GPRIN3: variants seen among roughly 807,000 people sequenced by gnomAD.
GPRIN3 encodes the protein G protein-regulated inducer of neurite outgrowth 3.
A neutral mutation model predicts 13.7 loss-of-function variants in GPRIN3; 12 were observed. The ratio of observed to expected loss-of-function variants is 0.87; its 90% CI spans 0.56 to 1.42. The LOEUF (loss-of-function observed/expected upper bound fraction) is 1.42. Among genes scored for constraint, GPRIN3 ranks in the 40% most tolerant of loss-of-function variants. The pLI, the probability that GPRIN3 is intolerant of heterozygous loss-of-function variation, is 0.00. For synonymous variants in GPRIN3, 377 were observed against 372.7 expected, an observed-to-expected ratio of 1.01 and a Z score of -0.13; for missense variants, 1,009 against 958.7, an observed-to-expected ratio of 1.05 and a Z score of -0.69.
chr4:89,288,474 T>G (rs905949099), intron 1 of GPRIN3, among the ~76,000 whole-genome samples: 3 of 152,104 alleles, frequency 2.0e-5, no homozygotes, highest in Non-Finnish European at 4.4e-5. Context: ...ACTTCTGGAG[T>G]GAAATTCAGG....
rs150764979 is a variant in GPRIN3, at chr4:89,265,246, A to G, written c.-123-15013T>C. 3.5e-3 allele frequency among the ~76,000 whole-genome samples: 540 copies of G among 152,290 alleles called. 5 individuals are homozygous for G. Among genetic ancestry groups the G allele is most frequent in the South Asian group, 9.5e-3 (46 of 4,822 alleles). ...TTCACTTAAGATATGGTTTTAATAT[A>G]AAGGGATATATATCAGTGTTTTGAG... On this transcript the variant is annotated intron_variant, in intron 1 of 1. Coordinates refer to ENST00000609438, the MANE Select transcript of GPRIN3 (RefSeq NM_198281.3).
chr4:89,249,196 A>G lies in GPRIN3; in HGVS notation c.915T>C (p.Ala305=). The G allele has an allele frequency of 6.2e-7, 1 of 1,614,092 alleles. No individual in the cohort carries two copies. The highest frequency in any genetic ancestry group is 8.5e-7 in the Non-Finnish European group (1 of 1,180,006). ...FKEASTMTNQ[A]ESEIKEVPSR... ...TGGGAACTTCCTTGATTTCACTTTC[A>G]GCTTGGTTGGTCATCGTACTGGCTT... Residue 305 remains alanine (A), a synonymous_variant, in exon 2 of 2, where the codon GCT becomes GCC. Coordinates refer to ENST00000609438, the MANE Select transcript of GPRIN3 (RefSeq NM_198281.3).
intron 1 of GPRIN3, among the ~76,000 whole-genome samples, chr4:89,257,044 G>T (rs368122124): frequency 5.3e-5 from 8 of 152,146 alleles, no homozygotes; most frequent in Non-Finnish European, 1.0e-4. Context: ...TCATACCGGG[G>T]CACTAACAGC....
At chr4:89,276,331 G>A (rs1466474983) in intron 1 of GPRIN3, among the ~76,000 whole-genome samples, 1 of 151,872 alleles carries the variant, frequency 6.6e-6, no homozygotes, top group African/African-American at 2.4e-5. Context: ...GATTATTATA[G>A]TTCTTGTTGA....
Position 89,253,201 on chromosome 4 carries a change from A to G in GPRIN3, c.-123-2968T>C, listed in dbSNP as rs145150158. 8.2e-3 allele frequency among the ~76,000 whole-genome samples: 1,254 copies of G among 152,264 alleles called. 16 individuals carry two copies. The highest frequency in any genetic ancestry group is 0.029 in the African/African-American group (1,188 of 41,534). On this transcript the variant is annotated intron_variant, in intron 1 of 1. Transcript: ENST00000609438. Reference sequence around the variant, plus strand: ...TTCATTTCTGTTGACTCCAGAGGACACAGTGCAGGGTCTTGTGCATAAAAA... The same window carrying G: ...TTCATTTCTGTTGACTCCAGAGGACGCAGTGCAGGGTCTTGTGCATAAAAA...
At chr4:89,306,389 C>T (rs912251979) in intron 1 of GPRIN3, among the ~76,000 whole-genome samples, 2 of 152,172 alleles carry the variant, frequency 1.3e-5, no homozygotes. Context: ...CAAAAGCCCA[C>T]GCAGGAGATG....
intron 1 of GPRIN3, among the ~76,000 whole-genome samples, chr4:89,274,757 C>T (rs1475621372): frequency 6.6e-6 from 1 of 152,094 alleles, no homozygotes; most frequent in African/African-American, 2.4e-5. Flanking sequence ...GTCTCAGGAA[C>T]TTGTAGGATG....
At position 89,262,663 on chromosome 4, in the gene GPRIN3, C is replaced by G. The variant is rs953293788; in HGVS notation, c.-123-12430G>C. 2.0e-5 allele frequency among the ~76,000 whole-genome samples: 3 copies of G among 152,276 alleles called. No homozygotes were observed. In the East Asian group the frequency reaches 5.8e-4, roughly 29 times the overall value. On this transcript the variant is annotated intron_variant, in intron 1 of 1. Coordinates refer to ENST00000609438, the MANE Select transcript of GPRIN3 (RefSeq NM_198281.3). ...TATCCATCTTGGTTATCTAAAAGCT[C>G]CAAGCTGGGCAATGTGAGTAGTTTT...
At chr4:89,280,672 C>T (rs776231060) in intron 1 of GPRIN3, among the ~76,000 whole-genome samples, 4 of 152,074 alleles carry the variant, frequency 2.6e-5, no homozygotes, top group Non-Finnish European at 5.9e-5. Context: ...CAGATATAAT[C>T]AAGTTAGGAC....
In GPRIN3 at chr4:89,236,605, G is replaced by C. The variant is rs746711727; in HGVS notation, c.*11175C>G. 3.9e-5 allele frequency: 6 copies of C among 152,058 alleles called. No individual in the cohort carries two copies. The highest frequency in any genetic ancestry group is 7.4e-5 in the Non-Finnish European group (5 of 68,008). The allele number at this position is 152,058 out of a possible 1,614,324, so 9.4% of individuals were successfully genotyped here. A position where few individuals can be genotyped will look rare whatever the true frequency, so the allele number is the denominator to read the frequency against. On this transcript the variant is annotated 3_prime_UTR_variant, in exon 2 of 2. Transcript: ENST00000609438. ...CAGATGAATGCACTGAAATAATTTG[G>C]ATATTTATCCTCTCCAAATTTCATG... is the stretch of plus-strand genomic sequence containing the variant.
intron 1 of GPRIN3, among the ~76,000 whole-genome samples, chr4:89,289,752 T>C (rs1332747393): frequency 6.6e-6 from 1 of 152,146 alleles, no homozygotes; most frequent in African/African-American, 2.4e-5. Flanking sequence ...GACACAGTTT[T>C]TCCACTCCTC....
At chr4:89,256,427 G>A (rs1430917906) in intron 1 of GPRIN3, among the ~76,000 whole-genome samples, 1 of 152,164 alleles carries the variant, frequency 6.6e-6, no homozygotes, top group African/African-American at 2.4e-5. Flanking sequence ...ACTATGCCAT[G>A]CTGCCTATTT....
rs1452620034 is a variant in GPRIN3 at position 89,238,685 on chromosome 4, T to C, written c.*9095A>G. ...GAGGAATTGTTGATTCTATGGGAATTCTATTTTAATTAAAGAAAAAAGTTC... is the reference window on the plus strand; with the variant it reads ...GAGGAATTGTTGATTCTATGGGAATCCTATTTTAATTAAAGAAAAAAGTTC... On this transcript the variant is annotated 3_prime_UTR_variant, in exon 2 of 2. Transcript: ENST00000609438. 6.6e-6 allele frequency: 1 copy of C among 152,212 alleles called. No homozygotes were observed. Among genetic ancestry groups the C allele is most frequent in the Non-Finnish European group, 1.5e-5 (1 of 68,042 alleles). 9.4% of individuals were successfully genotyped at this position (152,212 alleles called of 1,614,324 possible).
chr4:89,271,808 C>A (rs968942274), intron 1 of GPRIN3, among the ~76,000 whole-genome samples: 1 of 152,104 alleles, frequency 6.6e-6, no homozygotes, highest in African/African-American at 2.4e-5. Flanking sequence ...CCAGAATCAT[C>A]AGAACTTGCT....
At position 89,242,671 on chromosome 4, in the gene GPRIN3, A is replaced by G. The variant is rs1436237390; in HGVS notation, c.*5109T>C. 6.6e-6 allele frequency: 1 copy of G among 152,210 alleles called. No homozygotes were observed. Among genetic ancestry groups the G allele is most frequent in the Non-Finnish European group, 1.5e-5 (1 of 68,028 alleles). The allele number at this position is 152,210 out of a possible 1,614,324, so 9.4% of individuals were successfully genotyped here. On this transcript the variant is annotated 3_prime_UTR_variant, in exon 2 of 2. Coordinates refer to ENST00000609438, the MANE Select transcript of GPRIN3 (RefSeq NM_198281.3). ...TCTTCATAAAGCAAACCATCATTAT[A>G]TAATGGTGTGCCCATAATAGATGCA...
rs1163673902 is a variant in GPRIN3 at position 89,248,355 on chromosome 4, T to C, written c.1756A>G (p.Arg586Gly). 1 of 1,614,182 alleles carries C rather than the reference T, an allele frequency of 6.2e-7. No individual in the cohort carries two copies. The highest frequency in any genetic ancestry group is 1.3e-5 in the African/African-American group (1 of 75,052). The change falls in exon 2 of 2, where the codon AGG (arginine) becomes GGG (glycine). Residue 586 changes from arginine to glycine, a missense_variant. Physicochemically the swap from Arg to Gly is moderately radical, Grantham distance 125. Coordinates refer to ENST00000609438, the MANE Select transcript of GPRIN3 (RefSeq NM_198281.3). ...SAANPTPSPI[R>G]KNQESTLEEN... ...TCTAAGGTGCTCTCCTGGTTCTTCC[T>C]AATTGGGGAGGGTGTAGGATTAGCA...
chr4:89,250,352 T>C (rs2298756), intron 1 of GPRIN3, 119 bp from the exon 2 acceptor site: 114,102 of 487,328 alleles, frequency 0.23, 14,818 homozygotes, highest in Non-Finnish European at 0.27. Flanking sequence ...CCTGTTGATA[T>C]AAAAATAGAC....
At chr4:89,269,857 A>G (rs1723880296) in intron 1 of GPRIN3, among the ~76,000 whole-genome samples, 1 of 152,214 alleles carries the variant, frequency 6.6e-6, no homozygotes, top group Non-Finnish European at 1.5e-5. Flanking sequence ...TTTTCCTGTA[A>G]CAACGGGGTT....
At chr4:89,271,902 G>A (rs1481962472) in intron 1 of GPRIN3, among the ~76,000 whole-genome samples, 2 of 152,148 alleles carry the variant, frequency 1.3e-5, no homozygotes, top group African/African-American at 4.8e-5. Flanking sequence ...TGGAGGTGGG[G>A]CCTTTGGGAA....
Sources: gnomAD v4.1 joint callset for allele counts (sites outside exome capture counted in the v4.1 genomes callset) on GRCh38, gnomAD v4.1.1 for gene constraint, MANE v1.5 for transcripts, NCBI Gene and HGNC (gene_info 2026-07-23, HGNC 2026-07-21) for gene names.